KRT33B: variants seen among roughly 807,000 people sequenced by gnomAD.
The protein encoded by KRT33B is keratin 33B.
KRT33B carries 37 observed loss-of-function variants against 42.7 expected under a neutral mutation model. The ratio of observed to expected loss-of-function variants is 0.87; its 90% CI spans 0.67 to 1.14. The LOEUF is 1.14. Ranked by LOEUF, KRT33B falls within the 50% of genes most tolerant of loss-of-function variation. The pLI, the probability that KRT33B is intolerant of heterozygous loss-of-function variation, is 0.00. For synonymous variants in KRT33B, 237 were observed against 221.2 expected (o/e 1.07, Z -0.63); for missense variants, 523 against 515.1 (o/e 1.02, Z -0.15).
Position 41,365,019 on chromosome 17 carries a change from G to A in KRT33B, c.877-20C>T, listed in dbSNP as rs1432141511. 3 of 1,612,950 alleles carry A rather than the reference G, an allele frequency of 1.9e-6. No individual in the cohort carries two copies. The highest frequency in any genetic ancestry group is 1.4e-5 in the African/African-American group (1 of 73,980). ...GTATCGCTGTGGTGGGAAAGATCAG[G>A]AATGTCAGAGAGCTGCTCCTTATAG... On this transcript the variant is annotated intron_variant, in intron 5 of 6. Coordinates refer to ENST00000251646, the MANE Select transcript of KRT33B (RefSeq NM_002279.5).
chr17:41,369,756 A>T lies in KRT33B; in HGVS notation c.-6T>A. On this transcript the variant is annotated 5_prime_UTR_variant, in exon 1 of 7. Coordinates refer to ENST00000251646, the MANE Select transcript of KRT33B (RefSeq NM_002279.5). ...AGGCAGAAGTTGTAGGGCATGGTGC[A>T]GGGAGGCAGTGGAGCTCTGGAAGTC... is the stretch of plus-strand genomic sequence containing the variant. 1 of 1,611,952 alleles carries T rather than the reference A, an allele frequency of 6.2e-7. No homozygotes were observed. Among genetic ancestry groups the T allele is most frequent in the Non-Finnish European group, 8.5e-7 (1 of 1,178,614 alleles).
chr17:41,366,497 C>T lies in KRT33B; in HGVS notation c.561G>A (p.Leu187=). ...EAQMESLKEE[L]LSLKQNHEQE... is the part of the protein sequence containing the mutation. ...GCTCATGGTTCTGCTTGAGGGACAG[C>T]AGCTCCTCCTTCAGGGACTCCATCT... Residue 187 remains leucine (L), a synonymous_variant, in exon 3 of 7, where the codon CTG becomes CTA. Transcript: ENST00000251646. 1.9e-6 allele frequency: 3 copies of T among 1,612,640 alleles called. No individual in the cohort carries two copies. The highest frequency in any genetic ancestry group is 2.5e-6 in the Non-Finnish European group (3 of 1,180,014).
intron 3 of KRT33B, among the ~76,000 whole-genome samples, chr17:41,365,905 T>C (rs2017695030): frequency 6.6e-6 from 1 of 151,208 alleles, no homozygotes; most frequent in Non-Finnish European, 1.5e-5. Flanking sequence ...TTTCATGGGA[T>C]ACTACTAGAG....
At position 41,366,616 on chromosome 17, in the gene KRT33B, C is replaced by T. The variant is rs1567671265; in HGVS notation, c.442G>A (p.Glu148Lys). 3 of 1,608,896 alleles carry T rather than the reference C, an allele frequency of 1.9e-6. No homozygotes were observed. Among genetic ancestry groups the T allele is most frequent in the Non-Finnish European group, 2.5e-6 (3 of 1,178,786 alleles). ...TCCACCAGCTGCCGCAGGGACTGCTCCGTCTGGTACCTGCACACACAGCCA... is the reference window on the plus strand; with the variant it reads ...TCCACCAGCTGCCGCAGGGACTGCTTCGTCTGGTACCTGCACACACAGCCA... ...ADDFRTKYQT[E>K]QSLRQLVESD... Residue 148 changes from glutamate to lysine, a missense_variant, in exon 3 of 7, where the codon GAG becomes AAG. Transcript: ENST00000251646.
chr17:41,369,622 G>T lies in KRT33B; in HGVS notation c.129C>A (p.Asn43Lys), dbSNP rs1567672241. The T allele has an allele frequency of 1.2e-6, 2 of 1,613,680 alleles. No individual in the cohort carries two copies. Among genetic ancestry groups the T allele is most frequent in the Non-Finnish European group, 1.7e-6 (2 of 1,180,040 alleles). ...GACNIPANVS[N>K]CNWFCEGSFN... Reference sequence around the variant, plus strand: ...AGGAGCCCTCGCAGAACCAGTTGCAGTTGCTCACATTGGCAGGGATGTTGC... The same window carrying T: ...AGGAGCCCTCGCAGAACCAGTTGCATTTGCTCACATTGGCAGGGATGTTGC... Residue 43 changes from asparagine to lysine, a missense_variant, in exon 1 of 7, where the codon AAC becomes AAA. Physicochemically the swap from Asn to Lys is moderately conservative, Grantham distance 94 (BLOSUM62 0). Coordinates refer to ENST00000251646, the MANE Select transcript of KRT33B (RefSeq NM_002279.5).
intron 3 of KRT33B, 61 bp downstream of exon 3, chr17:41,366,409 A>C: frequency 6.3e-7 from 1 of 1,589,340 alleles, no homozygotes; most frequent in Non-Finnish European, 8.6e-7. Context: ...ATCCTACCTT[A>C]TCCTATTCAG....
chr17:41,367,871 C>T (rs376246055), intron 2 of KRT33B, 37 bp downstream of exon 2: 39 of 1,580,496 alleles, frequency 2.5e-5, no homozygotes, highest in Non-Finnish European at 3.2e-5. Context: ...TCAGCCTGTC[C>T]GTTACTAGAC....
chr17:41,369,672 G>A lies in KRT33B; in HGVS notation c.79C>T (p.His27Tyr). 1 of 1,613,954 alleles carries A rather than the reference G, an allele frequency of 6.2e-7. No individual in the cohort carries two copies. Among genetic ancestry groups the A allele is most frequent in the Non-Finnish European group, 8.5e-7 (1 of 1,179,978 alleles). The change falls in exon 1 of 7, where the codon CAC becomes TAC. Residue 27 changes from histidine to tyrosine, a missense_variant. His to Tyr is a moderately conservative substitution (Grantham distance 83, BLOSUM62 2). Coordinates refer to ENST00000251646, the MANE Select transcript of KRT33B (RefSeq NM_002279.5). ...CAGGCCCCGGGCAGGGTGTAGCCGT[G>A]GCAGCTGGGGGGCACACAGGGCCGG... The part of the protein sequence containing the change: ...SSRPCVPPSC[H>Y]GYTLPGACNI...
At position 41,365,012 on chromosome 17, in the gene KRT33B, A is replaced by G; in HGVS notation, c.877-13T>C. The G allele has an allele frequency of 6.2e-7, 1 of 1,613,178 alleles. No individual in the cohort carries two copies. The highest frequency in any genetic ancestry group is 8.5e-7 in the Non-Finnish European group (1 of 1,179,956). ...CCAGAGAGTATCGCTGTGGTGGGAA[A>G]GATCAGGAATGTCAGAGAGCTGCTC... On this transcript the variant is annotated splice_polypyrimidine_tract_variant and intron_variant, in intron 5 of 6. Coordinates refer to ENST00000251646, the MANE Select transcript of KRT33B (RefSeq NM_002279.5).
intron 2 of KRT33B, among the ~76,000 whole-genome samples, chr17:41,367,554 A>G (rs1270600128): frequency 2.0e-5 from 3 of 151,150 alleles, no homozygotes; most frequent in African/African-American, 7.4e-5. Context: ...AAATATAAAA[A>G]TTAGCTGGGC....
At chr17:41,366,412 C>G (rs1293427331) in intron 3 of KRT33B, 58 bp downstream of exon 3, 5 of 1,592,010 alleles carry the variant, frequency 3.1e-6, no homozygotes, top group Non-Finnish European at 2.6e-6. Context: ...CTACCTTATC[C>G]TATTCAGGGG....
chr17:41,365,467 C>T lies in KRT33B; in HGVS notation c.675G>A (p.Leu225=), dbSNP rs377476050. The change falls in exon 4 of 7, where the codon CTG becomes CTA. Residue 225 remains leucine (L), a synonymous_variant. Transcript: ENST00000251646. Reference sequence around the variant, plus strand: ...CCTCATACTGATTCCTGGTCTCGTTCAGGACCTGGTTCAGGTCCACAGCGG... The same window carrying T: ...CCTCATACTGATTCCTGGTCTCGTTTAGGACCTGGTTCAGGTCCACAGCGG... ...AAPAVDLNQV[L]NETRNQYEAL... The T allele has an allele frequency of 3.7e-6, 6 of 1,613,088 alleles. No homozygotes were observed. The highest frequency in any genetic ancestry group is 5.1e-6 in the Non-Finnish European group (6 of 1,180,032).
rs1384917375 is a variant in KRT33B, at chr17:41,365,602, T to C, written c.589-49A>G. 1.9e-6 allele frequency: 3 copies of C among 1,581,896 alleles called. No homozygotes were observed. The South Asian group carries it at 3.4e-5, about 18-fold the overall frequency. On this transcript the variant is annotated intron_variant, in intron 3 of 6. Coordinates refer to ENST00000251646, the MANE Select transcript of KRT33B (RefSeq NM_002279.5). The stretch of plus-strand genomic sequence containing the variant: ...AAACCCACAGAAAGAAGTCTTTCAA[T>C]AACTTCTTTGAGGCAGTTCAATATA...
Position 41,365,488 on chromosome 17 carries a change from A to T in KRT33B, c.654T>A (p.Ala218=), listed in dbSNP as rs1014739796. 1.2e-6 allele frequency: 2 copies of T among 1,613,086 alleles called. No homozygotes were observed. Among genetic ancestry groups the T allele is most frequent in the African/African-American group, 1.4e-5 (1 of 74,000 alleles). The change falls in exon 4 of 7, where the codon GCT becomes GCA. Residue 218 remains alanine (A), a synonymous_variant. Coordinates refer to ENST00000251646, the MANE Select transcript of KRT33B (RefSeq NM_002279.5). ...CGTTCAGGACCTGGTTCAGGTCCAC[A>T]GCGGGAGCAGCGTCCACCTCCACGT... ...RLNVEVDAAP[A]VDLNQVLNET...
rs779587635 is a variant in KRT33B, at chr17:41,365,458, G to T, written c.684C>A (p.Thr228=). 1.2e-6 allele frequency: 2 copies of T among 1,612,940 alleles called. 1 individual carries two copies. The highest frequency in any genetic ancestry group is 2.7e-5 in the African/African-American group (2 of 73,900). The change falls in exon 4 of 7, where the codon ACC becomes ACA. Residue 228 remains threonine, a synonymous_variant. Transcript: ENST00000251646. ...AVDLNQVLNE[T]RNQYEALVET... ...CCACCAGGGCCTCATACTGATTCCT[G>T]GTCTCGTTCAGGACCTGGTTCAGGT...
rs867711097 is a variant in KRT33B at position 41,363,942 on chromosome 17, T to G, written c.1109A>C (p.Asn370Thr). 6.2e-7 allele frequency: 1 copy of G among 1,608,588 alleles called. No individual in the cohort carries two copies. Among genetic ancestry groups the G allele is most frequent in the Middle Eastern group, 1.7e-4 (1 of 6,040 alleles). ...LESEDCKLPS[N>T]PCATTNACEK... ...ACATGCATTGGTGGTGGCGCAGGGG[T>G]TGGAGGGCAGCCTGGGATGCAGAAG... Residue 370 changes from asparagine to threonine, a missense_variant, in exon 7 of 7, where the codon AAC (asparagine) becomes ACC (threonine). Transcript: ENST00000251646.
chr17:41,368,292 G>A lies in KRT33B; in HGVS notation c.349-302C>T, dbSNP rs779447044. On this transcript the variant is annotated intron_variant, in intron 1 of 6. Coordinates refer to ENST00000251646, the MANE Select transcript of KRT33B (RefSeq NM_002279.5). ...ATCCCAGTTAACTTAGGACTGAGGG[G>A]TTTCTGGGATGCTAAAATGGGAAAA... Among the ~76,000 whole-genome samples, 130 of 151,380 alleles carry A rather than the reference G, an allele frequency of 8.6e-4. 4 individuals are homozygous for A. The highest frequency in any genetic ancestry group is 1.2e-3 in the Non-Finnish European group (84 of 68,030).
chr17:41,366,589 A>T lies in KRT33B; in HGVS notation c.469T>A (p.Ser157Thr). ...TEQSLRQLVE[S>T]DINSLRRILD... ...ATCCTGCGCAGGCTGTTGATGTCGG[A>T]CTCCACCAGCTGCCGCAGGGACTGC... The change falls in exon 3 of 7, where the codon TCC becomes ACC. Residue 157 changes from serine to threonine, a missense_variant. Transcript: ENST00000251646. 1 of 1,611,364 alleles carries T rather than the reference A, an allele frequency of 6.2e-7. No homozygotes were observed. The highest frequency in any genetic ancestry group is 1.1e-5 in the South Asian group (1 of 90,948).
intron 1 of KRT33B, among the ~76,000 whole-genome samples, chr17:41,369,086 G>T (rs759755009): frequency 6.6e-6 from 1 of 151,180 alleles, no homozygotes; most frequent in African/African-American, 2.5e-5. Flanking sequence ...TTGAAAATGC[G>T]GTAATGCTCT....
Sources: allele counts gnomAD v4.1 joint callset (sites outside exome capture counted in the v4.1 genomes callset), GRCh38; gene constraint gnomAD v4.1.1; transcripts MANE v1.5; gene names NCBI Gene and HGNC (gene_info 2026-07-23, HGNC 2026-07-21).